Variants in RGS7 observed in about 807,000 individuals in gnomAD.
RGS7 encodes regulator of G-protein signaling 7.
In RGS7, 27 loss-of-function variants were observed where a neutral mutation model predicts 81.1. The observed-to-expected ratio is 0.33, with a 90% CI of 0.25 to 0.46. The LOEUF (loss-of-function observed/expected upper bound fraction) is 0.46. Ranked by LOEUF, RGS7 falls within the 20% of genes least tolerant of loss-of-function variation. The pLI, the probability that RGS7 is intolerant of heterozygous loss-of-function variation, is 1.00. For synonymous variants in RGS7, 208 were observed against 207.7 expected (o/e 1.00, Z -0.01); for missense variants, 396 against 607.4 (o/e 0.65, Z 3.66).
intron 2 of RGS7, among the ~76,000 whole-genome samples, chr1:241,243,750 G>A (rs545558688): frequency 3.9e-5 from 6 of 152,170 alleles, no homozygotes; most frequent in South Asian, 2.1e-4. Flanking sequence ...AAATAGAAAC[G>A]AAGGAAAGTG....
chr1:240,777,836 A>G (rs1174110229), intron 18 of RGS7, among the ~76,000 whole-genome samples: 6 of 147,492 alleles, frequency 4.1e-5, no homozygotes, highest in South Asian at 2.2e-4. Context: ...AAAGGCCCTA[A>G]CTCCTAATAC....
intron 5 of RGS7, among the ~76,000 whole-genome samples, chr1:240,933,175 C>G (rs1053497419): frequency 4.0e-5 from 6 of 151,834 alleles, no homozygotes; most frequent in Admixed American, 6.6e-5. Flanking sequence ...AGCCACCGCG[C>G]CCGGCCGGTG....
intron 2 of RGS7, among the ~76,000 whole-genome samples, chr1:241,270,761 C>CTTTT (rs1043826920): frequency 5.4e-5 from 8 of 148,896 alleles, no homozygotes; most frequent in Non-Finnish European, 5.9e-5. Flanking sequence ...ACCCCCCCCC[C>CTTTT]TTTTTTTTTT....
chr1:241,227,415 G>C (rs1044470863), intron 2 of RGS7, among the ~76,000 whole-genome samples: 1 of 151,920 alleles, frequency 6.6e-6, no homozygotes, highest in African/African-American at 2.4e-5. Context: ...CAATTGGTAC[G>C]GAGCCTGAAA....
chr1:241,189,592 C>T (rs2103357567), intron 2 of RGS7, among the ~76,000 whole-genome samples: 1 of 152,246 alleles, frequency 6.6e-6, no homozygotes, highest in South Asian at 2.1e-4. Context: ...GAGCTATTTG[C>T]CTAGGACTAG....
At position 241,351,572 on chromosome 1, in the gene RGS7, G is replaced by A. The variant is rs151050927; in HGVS notation, c.78+4127C>T. Among the ~76,000 whole-genome samples the A allele has an allele frequency of 8.3e-4, 126 of 152,198 alleles. 1 individual carries two copies. Among genetic ancestry groups the A allele is most frequent in the Non-Finnish European group, 1.3e-3 (89 of 68,020 alleles). On this transcript the variant is annotated intron_variant, in intron 2 of 18. Transcript: ENST00000440928. ...TGGCATCTATTCTCTTCTCCAAAAG[G>A]CATTGTTTCCTCCTTTACAACTAAA... is the stretch of plus-strand genomic sequence containing the variant.
intron 3 of RGS7, among the ~76,000 whole-genome samples, chr1:241,094,530 T>C (rs767069792): frequency 3.3e-5 from 5 of 152,086 alleles, no homozygotes; most frequent in Non-Finnish European, 7.4e-5. Flanking sequence ...GGAAATGGCA[T>C]AGAGGAATTA....
chr1:241,237,405 A>G (rs2076037903), intron 2 of RGS7, among the ~76,000 whole-genome samples: 1 of 152,154 alleles, frequency 6.6e-6, no homozygotes, highest in Admixed American at 6.5e-5. Flanking sequence ...ACTGGACCAT[A>G]TACCATGAGC....
rs1553289605 is a variant in RGS7 at position 241,221,039 on chromosome 1, A to AAGGAAAAG, written c.79-122278_79-122277insCTTTTCCT. On this transcript the variant is annotated intron_variant, in intron 2 of 18. Transcript: ENST00000440928. ...GAAGGAAGGAAGGAAGGAAGGAAGG[A>AAGGAAAAG]AAAGAAAGAAAGAAAGAAAGAGAGA... 4.4e-3 allele frequency among the ~76,000 whole-genome samples: 407 copies of AAGGAAAAG among 92,754 alleles called. 4 individuals are homozygous for AAGGAAAAG. The highest frequency in any genetic ancestry group is 0.013 in the African/African-American group (340 of 25,286). The allele number at this position is 92,754 out of a possible 152,430, so 60.9% of individuals were successfully genotyped here. A position where few individuals can be genotyped will look rare whatever the true frequency, so the allele number is the denominator to read the frequency against.
At chr1:240,840,724 TTG>T (rs1488086049) in intron 9 of RGS7, among the ~76,000 whole-genome samples, 2 of 152,220 alleles carry the variant, frequency 1.3e-5, no homozygotes, top group Non-Finnish European at 2.9e-5. Context: ...CACATTACAC[TTG>T]TTTGTTTTCT....
chr1:240,944,274 GTGTGTGTGTATATATATATATATATA>G lies in RGS7; in HGVS notation c.227-7594_227-7569del, dbSNP rs1325444980. Among the ~76,000 whole-genome samples, 30 of 18,824 alleles carry G rather than the reference GTGTGTGTGTATATATATATATATATA, an allele frequency of 1.6e-3. 1 individual carries two copies. Among genetic ancestry groups the G allele is most frequent in the African/African-American group, 3.9e-3 (29 of 7,532 alleles). The allele number at this position is 18,824 out of a possible 152,430, so 12.3% of individuals were successfully genotyped here. On this transcript the variant is annotated intron_variant, in intron 4 of 18. Coordinates refer to ENST00000440928, the MANE Select transcript of RGS7 (RefSeq NM_001364886.1). Reference sequence around the variant, plus strand: ...TGTTATATTATATGTGTGTGTGTGTGTGTGTGTGTATATATATATATATATATATATATATATATATATATATATAT... The same window carrying G: ...TGTTATATTATATGTGTGTGTGTGTGTATATATATATATATATATATATAT...
chr1:241,037,717 T>C (rs1264137330), intron 3 of RGS7, among the ~76,000 whole-genome samples: 2 of 69,940 alleles, frequency 2.9e-5, no homozygotes, highest in Non-Finnish European at 6.0e-5. Flanking sequence ...TGAGACTCCA[T>C]CTCAAAAAAA....
intron 2 of RGS7, among the ~76,000 whole-genome samples, chr1:241,276,113 C>G (rs1262632550): frequency 1.3e-5 from 2 of 152,078 alleles, no homozygotes; most frequent in Non-Finnish European, 2.9e-5. Context: ...TTTTTCTGTT[C>G]TTAACGTTTG....
intron 3 of RGS7, among the ~76,000 whole-genome samples, chr1:241,013,605 A>G (rs1053551773): frequency 5.3e-5 from 8 of 152,328 alleles, no homozygotes; most frequent in Middle Eastern, 6.8e-3. Flanking sequence ...AAGCTGCACT[A>G]GGGATCTGAA....
intron 2 of RGS7, among the ~76,000 whole-genome samples, chr1:241,330,246 G>A (rs1381476818): frequency 2.6e-5 from 4 of 152,152 alleles, no homozygotes; most frequent in African/African-American, 9.7e-5. Context: ...GCCCTTGATG[G>A]CAATTGCTAA....
chr1:241,189,311 T>C (rs2072400505), intron 2 of RGS7, among the ~76,000 whole-genome samples: 1 of 152,222 alleles, frequency 6.6e-6, no homozygotes, highest in Non-Finnish European at 1.5e-5. Context: ...TTATTTGCTA[T>C]CTGTATAACT....
intron 9 of RGS7, among the ~76,000 whole-genome samples, chr1:240,856,605 T>C (rs977808283): frequency 6.6e-6 from 1 of 151,952 alleles, no homozygotes; most frequent in Non-Finnish European, 1.5e-5. Context: ...CGATATTTTA[T>C]CATATACTTG....
intron 4 of RGS7, among the ~76,000 whole-genome samples, chr1:240,974,169 G>C (rs1414201881): frequency 1.3e-5 from 2 of 152,146 alleles, no homozygotes. Context: ...ACATCTGGTT[G>C]ATTTGCCTGA....
chr1:240,908,901 C>T (rs1166426134), intron 6 of RGS7, among the ~76,000 whole-genome samples: 1 of 152,192 alleles, frequency 6.6e-6, no homozygotes, highest in Non-Finnish European at 1.5e-5. Flanking sequence ...GCAAGTGTTT[C>T]CTTCAGGTTG....
Sources: gnomAD v4.1 joint callset for allele counts (sites outside exome capture counted in the v4.1 genomes callset) on GRCh38, gnomAD v4.1.1 for gene constraint, MANE v1.5 for transcripts, NCBI Gene and HGNC (gene_info 2026-07-23, HGNC 2026-07-21) for gene names.